Variants in SUGP1 observed in about 807,000 individuals in gnomAD.
The protein encoded by SUGP1 is SURP and G-patch domain-containing protein 1.
A neutral mutation model predicts 76.5 loss-of-function variants in SUGP1; 34 were observed. The ratio of observed to expected loss-of-function variants is 0.44; its 90% CI spans 0.34 to 0.59. The LOEUF (loss-of-function observed/expected upper bound fraction) is 0.59. Among genes scored for constraint, SUGP1 ranks in the 20% least tolerant of loss-of-function variants. The pLI, the probability that SUGP1 is intolerant of heterozygous loss-of-function variation, is 0.01. For synonymous variants in SUGP1, 326 were observed against 326.2 expected (o/e 1.00, Z 0.01); for missense variants, 752 against 851.7 (o/e 0.88, Z 1.46).
rs2061314237 is a variant in SUGP1, at chr19:19,305,946, G to T, written c.441C>A (p.Ser147=). Residue 147 remains serine (S), a synonymous_variant, in exon 4 of 14, where the codon TCC becomes TCA. Coordinates refer to ENST00000247001, the MANE Select transcript of SUGP1 (RefSeq NM_172231.4). ...ASLPGPVKSY[S]HAKQLPVAHR... ...GCGCCACGGGCAGCTGCTTGGCGTG[G>T]GAGTAGCTCTTCACAGGGCCCGGCA... is the stretch of plus-strand genomic sequence containing the variant. 1 of 1,613,108 alleles carries T rather than the reference G, an allele frequency of 6.2e-7. No individual in the cohort carries two copies. The highest frequency in any genetic ancestry group is 1.3e-5 in the African/African-American group (1 of 74,942).
chr19:19,294,341 T>C (rs2061208150), intron 8 of SUGP1, among the ~76,000 whole-genome samples: 1 of 151,736 alleles, frequency 6.6e-6, no homozygotes. Flanking sequence ...CTGAGCAACA[T>C]GGTGAAACTC....
chr19:19,312,192 A>C (rs2061357503), intron 2 of SUGP1, among the ~76,000 whole-genome samples: 2 of 152,144 alleles, frequency 1.3e-5, no homozygotes, highest in East Asian at 3.8e-4. Flanking sequence ...ATGCCACTGC[A>C]CTCTAGCCTG....
In SUGP1 at chr19:19,314,189, T is replaced by C. The variant is rs2023884; in HGVS notation, c.206+2233A>G. On this transcript the variant is annotated intron_variant, in intron 2 of 13. Coordinates refer to ENST00000247001, the MANE Select transcript of SUGP1 (RefSeq NM_172231.4). ...TAAATAAATAAATAGCCGGGCATCG[T>C]GGCGCACACTGGTAATCCCAGCTAC... Among the ~76,000 whole-genome samples the C allele has an allele frequency of 5.5e-3, 836 of 151,902 alleles. 3 individuals are homozygous for C. Among genetic ancestry groups the C allele is most frequent in the Non-Finnish European group, 9.2e-3 (623 of 67,962 alleles).
intron 8 of SUGP1, among the ~76,000 whole-genome samples, chr19:19,290,537 G>A (rs532350192): frequency 5.9e-5 from 9 of 152,046 alleles, no homozygotes; most frequent in African/African-American, 2.2e-4. Flanking sequence ...CCAGCTACTC[G>A]GGAGGCTGAG....
chr19:19,296,847 T>TA (rs2061229495), intron 8 of SUGP1, 142 bp downstream of exon 8: 1 of 690,330 alleles, frequency 1.4e-6, no homozygotes, highest in Admixed American at 3.1e-5. Context: ...CCAAATGTGG[T>TA]ATGTACACAC....
intron 8 of SUGP1, among the ~76,000 whole-genome samples, chr19:19,289,555 C>G (rs1353625248): frequency 6.6e-6 from 1 of 152,124 alleles, no homozygotes; most frequent in Non-Finnish European, 1.5e-5. Flanking sequence ...CAAGATCAGT[C>G]TGGCCAACTT....
At chr19:19,312,021 G>C (rs923611363) in intron 2 of SUGP1, among the ~76,000 whole-genome samples, 1 of 151,982 alleles carries the variant, frequency 6.6e-6, no homozygotes, top group African/African-American at 2.4e-5. Context: ...GGAACAAATG[G>C]AAATGTAGAA....
Position 19,282,956 on chromosome 19 carries a change from C to A in SUGP1, c.1244-2665G>T, listed in dbSNP as rs145145789. On this transcript the variant is annotated intron_variant, in intron 8 of 13. Transcript: ENST00000247001. ...GCCAGGCGTGGTGGCAGGCGCCTGT[C>A]GTCCCAGCTACTTGGGAGGCTGAAG... 1.2e-3 allele frequency among the ~76,000 whole-genome samples: 188 copies of A among 151,892 alleles called. 1 individual carries two copies. The highest frequency in any genetic ancestry group is 3.8e-3 in the African/African-American group (157 of 41,416).
chr19:19,318,113 C>CTTTTCTT (rs55849619), intron 1 of SUGP1, among the ~76,000 whole-genome samples: 5,687 of 97,594 alleles, frequency 0.058, 420 homozygotes, highest in African/African-American at 0.074. Flanking sequence ...ACCCAGCCTT[C>CTTTTCTT]TTTTTTTTTT....
intron 4 of SUGP1, 92 bp from the exon 5 acceptor site, chr19:19,303,939 G>T (rs529571766): frequency 2.2e-5 from 36 of 1,601,226 alleles, no homozygotes; most frequent in African/African-American, 1.3e-4. Flanking sequence ...CAGAGGGGGT[G>T]GGGGGAGAAG....
chr19:19,313,462 A>T (rs969490905), intron 2 of SUGP1, among the ~76,000 whole-genome samples: 3 of 152,130 alleles, frequency 2.0e-5, no homozygotes, highest in African/African-American at 7.2e-5. Context: ...TGTAAACCTA[A>T]TGCTTTGGGA....
At chr19:19,303,316 C>T (rs776017903) in intron 6 of SUGP1, 32 bp downstream of exon 6, 89 of 1,592,186 alleles carry the variant, frequency 5.6e-5, no homozygotes, top group Non-Finnish European at 7.3e-5. Context: ...CACAGGCCTC[C>T]CCAGAATCTC....
Position 19,277,057 on chromosome 19 carries a change from C to T in SUGP1, c.1801G>A (p.Gly601Ser), listed in dbSNP as rs771420701. The T allele has an allele frequency of 7.4e-6, 12 of 1,611,514 alleles. No individual in the cohort carries two copies. Among genetic ancestry groups the T allele is most frequent in the African/African-American group, 1.3e-5 (1 of 75,038 alleles). ...PVNKGTTTVD[G>S]AGFGIDRPAE... ...GGCCGGTCAATGCCGAAGCCAGCGC[C>T]GTCCACTGTGGTGGTGCCCCTACAG... The change falls in exon 13 of 14, where the codon GGC becomes AGC. Residue 601 changes from glycine (G) to serine (S), a missense_variant. By Grantham distance (56) the Gly-to-Ser change is moderately conservative (BLOSUM62 0). Transcript: ENST00000247001.
intron 7 of SUGP1, 97 bp downstream of exon 7, chr19:19,302,168 C>A (rs1249218780): frequency 2.0e-6 from 3 of 1,530,992 alleles, no homozygotes; most frequent in African/African-American, 2.7e-5. Flanking sequence ...CACAGTGGGA[C>A]CCCAGCAGGT....
intron 8 of SUGP1, among the ~76,000 whole-genome samples, chr19:19,296,408 G>A (rs1450862175): frequency 1.3e-5 from 2 of 152,132 alleles, no homozygotes; most frequent in Non-Finnish European, 2.9e-5. Flanking sequence ...AGCACTTTGG[G>A]AGGCCGAAGC....
At chr19:19,306,275 C>G (rs1472694848) in intron 3 of SUGP1, among the ~76,000 whole-genome samples, 199 bp from the exon 4 acceptor site, 2 of 152,140 alleles carry the variant, frequency 1.3e-5, no homozygotes, top group Non-Finnish European at 2.9e-5. Flanking sequence ...GTCCCCCAGC[C>G]AGAAAAGCAG....
At chr19:19,318,273 A>G (rs2061410240) in intron 1 of SUGP1, among the ~76,000 whole-genome samples, 1 of 151,238 alleles carries the variant, frequency 6.6e-6, no homozygotes, top group Non-Finnish European at 1.5e-5. Flanking sequence ...ATCTGCCGCC[A>G]TGCCTGGCTA....
chr19:19,314,217 G>C (rs1258501849), intron 2 of SUGP1, among the ~76,000 whole-genome samples: 2 of 151,964 alleles, frequency 1.3e-5, no homozygotes, highest in Non-Finnish European at 2.9e-5. Context: ...CCAGCTACTC[G>C]AGAGGCTGAG....
chr19:19,318,113 CTTTTTTT>C (rs1192437542), intron 1 of SUGP1, among the ~76,000 whole-genome samples: 1 of 97,714 alleles, frequency 1.0e-5, no homozygotes, highest in Non-Finnish European at 1.9e-5. Context: ...ACCCAGCCTT[CTTTTTTT>C]TTTTTTTTTT....
Sources: allele counts gnomAD v4.1 joint callset (sites outside exome capture counted in the v4.1 genomes callset), GRCh38; gene constraint gnomAD v4.1.1; transcripts MANE v1.5; gene names NCBI Gene and HGNC (gene_info 2026-07-23, HGNC 2026-07-21).